ADGRF5: variants seen among roughly 807,000 people sequenced by gnomAD.
ADGRF5 encodes the protein adhesion G protein-coupled receptor F5.
A neutral mutation model predicts 132.3 loss-of-function variants in ADGRF5; 75 were observed. The observed-to-expected ratio is 0.57, with a 90% CI of 0.47 to 0.69. The LOEUF (loss-of-function observed/expected upper bound fraction) is 0.69. ADGRF5 is among the 30% of genes least tolerant of loss of function. The probability of loss-of-function intolerance (pLI) is 0.00; values close to 1 mark genes in which losing one functional copy is unlikely to be tolerated. For synonymous variants in ADGRF5, 629 were observed against 597.6 expected, an observed-to-expected ratio of 1.05 and a Z score of -0.77; for missense variants, 1,516 against 1,630.6, an observed-to-expected ratio of 0.93 and a Z score of 1.21.
At chr6:46,901,389 T>A (rs893358134) in intron 2 of ADGRF5, among the ~76,000 whole-genome samples, 2 of 152,136 alleles carry the variant, frequency 1.3e-5, no homozygotes, top group Non-Finnish European at 2.9e-5. Flanking sequence ...CCCACAGAGA[T>A]CTGTGCTTTA....
chr6:46,914,983 G>A (rs1163462872), intron 1 of ADGRF5, among the ~76,000 whole-genome samples: 1 of 151,944 alleles, frequency 6.6e-6, no homozygotes, highest in African/African-American at 2.4e-5. Flanking sequence ...AGCCTCCCAA[G>A]TAGCTGAGAC....
At chr6:46,870,038 T>C (rs1770877180) in intron 11 of ADGRF5, among the ~76,000 whole-genome samples, 1 of 152,128 alleles carries the variant, frequency 6.6e-6, no homozygotes, top group Non-Finnish European at 1.5e-5. Flanking sequence ...AGTATATCTT[T>C]ACATGGTTGA....
rs115414535 is a variant in ADGRF5 at position 46,903,906 on chromosome 6, C to T, written c.102+2755G>A. On this transcript the variant is annotated intron_variant, in intron 2 of 20. Coordinates refer to ENST00000283296, the MANE Select transcript of ADGRF5 (RefSeq NM_001098518.2). ...CATGTAGAACATTGAAGCCTCACAA[C>T]GAACAGATGAAGGAGATATGATTTA... Among the ~76,000 whole-genome samples the T allele has an allele frequency of 8.7e-3, 1,330 of 152,180 alleles. 16 individuals carry two copies. Among genetic ancestry groups the T allele is most frequent in the African/African-American group, 0.029 (1,192 of 41,504 alleles).
intron 9 of ADGRF5, among the ~76,000 whole-genome samples, chr6:46,878,640 G>A (rs1484290447): frequency 6.6e-6 from 1 of 152,074 alleles, no homozygotes; most frequent in Non-Finnish European, 1.5e-5. Context: ...AAATTTTAGG[G>A]ACTTTTCTAA....
rs554275092 is a variant in ADGRF5 at position 46,901,449 on chromosome 6, GC to G, written c.103-1367del. Among the ~76,000 whole-genome samples the G allele has an allele frequency of 3.0e-4, 46 of 152,266 alleles. 2 individuals carry two copies. The Middle Eastern group carries it at 0.027, about 90-fold the overall frequency. ...CGCCACCTGGGGCAGAGCTCATTCT[GC>G]CGTCAGGGTTGTCTACCACTATTTT... On this transcript the variant is annotated intron_variant, in intron 2 of 20. Transcript: ENST00000283296.
At chr6:46,870,713 C>T (rs2150810013) in intron 11 of ADGRF5, 1 of 261,488 alleles carries the variant, frequency 3.8e-6, no homozygotes, top group African/African-American at 2.3e-5. Context: ...TTCCAAACTA[C>T]CAGACTAGTG....
Position 46,865,027 on chromosome 6 carries a change from T to G in ADGRF5, c.1990+15A>C. ...CCTGACTATAACATCTTAAAGTAATTTAAAACGTTCTTACCAGGAACCAGA... is the reference window on the plus strand; with the variant it reads ...CCTGACTATAACATCTTAAAGTAATGTAAAACGTTCTTACCAGGAACCAGA... On this transcript the variant is annotated intron_variant, in intron 14 of 20. Transcript: ENST00000283296. The G allele has an allele frequency of 6.4e-7, 1 of 1,562,972 alleles. No homozygotes were observed. Among genetic ancestry groups the G allele is most frequent in the South Asian group, 1.2e-5 (1 of 86,792 alleles).
chr6:46,859,176 A>C lies in ADGRF5; in HGVS notation c.2727T>G (p.Leu909=), dbSNP rs762686801. ...AGTTATTTTCCTGGATATCCTGGGC[A>C]AGGATGGCTTGGAGAGTTGGGAAAG... The part of the protein sequence containing the change: ...TMAFPTLQAI[L]AQDIQENNFA... Residue 909 remains leucine (L), a synonymous_variant, in exon 17 of 21, where the codon CTT becomes CTG. Coordinates refer to ENST00000283296, the MANE Select transcript of ADGRF5 (RefSeq NM_001098518.2). 1.2e-6 allele frequency: 2 copies of C among 1,613,870 alleles called. No individual in the cohort carries two copies. The highest frequency in any genetic ancestry group is 1.7e-6 in the Non-Finnish European group (2 of 1,179,708).
intron 9 of ADGRF5, among the ~76,000 whole-genome samples, chr6:46,878,641 AC>A (rs1278362883): frequency 3.3e-5 from 5 of 152,194 alleles, no homozygotes; most frequent in African/African-American, 1.2e-4. Context: ...AATTTTAGGG[AC>A]TTTTCTAATA....
At chr6:46,907,282 G>A (rs961697568) in intron 1 of ADGRF5, among the ~76,000 whole-genome samples, 3 of 152,132 alleles carry the variant, frequency 2.0e-5, no homozygotes, top group Non-Finnish European at 2.9e-5. Context: ...GTATCTTACA[G>A]TATTATTTCA....
At chr6:46,877,293 C>CTTTCTTTCT (rs1554200479) in intron 10 of ADGRF5, among the ~76,000 whole-genome samples, 47 of 58,388 alleles carry the variant, frequency 8.0e-4, no homozygotes, top group Middle Eastern at 7.4e-3. Flanking sequence ...CTTTCTTTCT[C>CTTTCTTTCT]TCTCTCTCTC....
rs757280767 is a variant in ADGRF5, at chr6:46,862,979, G to A, written c.2108C>T (p.Thr703Ile). Residue 703 changes from threonine (T) to isoleucine (I), a missense_variant, in exon 15 of 21, where the codon ACC becomes ATC. Thr to Ile is a moderately conservative substitution (Grantham distance 89, BLOSUM62 -1). Coordinates refer to ENST00000283296, the MANE Select transcript of ADGRF5 (RefSeq NM_001098518.2). Reference sequence around the variant, plus strand: ...GGAGCCTACACATTTGTAAGTGATGGTCCCGCCAATGGGACTCTCAGGGCT... The same window carrying A: ...GGAGCCTACACATTTGTAAGTGATGATCCCGCCAATGGGACTCTCAGGGCT... Reference protein sequence around the residue: ...PSSPESPIGGTITYKCVGSQW... With the variant: ...PSSPESPIGGIITYKCVGSQW... 5.6e-6 allele frequency: 9 copies of A among 1,613,070 alleles called. No homozygotes were observed. In the East Asian group the frequency reaches 1.8e-4, roughly 32 times the overall value.
At chr6:46,913,109 T>C (rs1776102715) in intron 1 of ADGRF5, among the ~76,000 whole-genome samples, 1 of 152,162 alleles carries the variant, frequency 6.6e-6, no homozygotes, top group African/African-American at 2.4e-5. Context: ...CTCTAAATAG[T>C]GGCTAATCGC....
chr6:46,934,216 A>G (rs1346325949), intron 1 of ADGRF5, among the ~76,000 whole-genome samples: 3 of 152,086 alleles, frequency 2.0e-5, no homozygotes, highest in Non-Finnish European at 2.9e-5. Flanking sequence ...ACATACACAC[A>G]CATGCATGCA....
rs1378486609 is a variant in ADGRF5 at position 46,858,541 on chromosome 6, T to A, written c.3362A>T (p.Glu1121Val). The A allele has an allele frequency of 6.2e-7, 1 of 1,613,888 alleles. No individual in the cohort carries two copies. The highest frequency in any genetic ancestry group is 2.2e-5 in the East Asian group (1 of 44,856). ...LFYRLVFILH[E>V]TSRSTQKAIA... ...GGCTTTCTGAGTGGACCTGCTTGTT[T>A]CATGCAGAATGAAAACCAGGCGATA... Residue 1121 changes from glutamate (E) to valine (V), a missense_variant, in exon 17 of 21, where the codon GAA becomes GTA. This residue lies in a region of ADGRF5 where 571 missense variants were observed against 701.2 expected (regional missense o/e 0.81). Coordinates refer to ENST00000283296, the MANE Select transcript of ADGRF5 (RefSeq NM_001098518.2).
upstream of ADGRF5, among the ~76,000 whole-genome samples, chr6:46,926,601 A>C (rs911647483): frequency 5.9e-5 from 9 of 152,122 alleles, no homozygotes; most frequent in African/African-American, 2.2e-4. Context: ...TGAGCCGTCC[A>C]CAGCCTTCAC....
At chr6:46,865,699 C>CA (rs1770335260) in intron 13 of ADGRF5, among the ~76,000 whole-genome samples, 4 of 152,210 alleles carry the variant, frequency 2.6e-5, no homozygotes, top group Admixed American at 2.6e-4. Flanking sequence ...CTGCATATGT[C>CA]AAAATCCAGA....
intron 4 of ADGRF5, among the ~76,000 whole-genome samples, chr6:46,885,962 T>C (rs889419145): frequency 6.6e-6 from 1 of 152,250 alleles, no homozygotes; most frequent in African/African-American, 2.4e-5. Flanking sequence ...TTAGACTCTG[T>C]TGTGCACCAA....
intron 15 of ADGRF5, among the ~76,000 whole-genome samples, chr6:46,862,079 T>C (rs508818): frequency 0.58 from 87,889 of 152,140 alleles, 29,025 homozygotes; most frequent in Non-Finnish European, 0.74. Flanking sequence ...TTGCACATAG[T>C]AGAGATTTTA....
Sources: allele counts gnomAD v4.1 joint callset (sites outside exome capture counted in the v4.1 genomes callset), GRCh38; gene constraint gnomAD v4.1.1; regional missense constraint gnomAD v4.1.1; transcripts MANE v1.5; gene names NCBI Gene and HGNC (gene_info 2026-07-23, HGNC 2026-07-21).